CDH4: variants seen among roughly 807,000 people sequenced by gnomAD.
CDH4 encodes cadherin 4, also known as cadherin-4.
A neutral mutation model predicts 86.0 loss-of-function variants in CDH4; 33 were observed. The ratio of observed to expected loss-of-function variants is 0.38; its 90% CI spans 0.29 to 0.51. CDH4 has a LOEUF of 0.51. CDH4 is among the 20% of genes least tolerant of loss of function. The probability of loss-of-function intolerance (pLI) is 0.86; values close to 1 mark genes in which losing one functional copy is unlikely to be tolerated. For missense variants in CDH4, 1,114 were observed against 1,307.4 expected (o/e 0.85, Z 2.28); for synonymous variants, 555 against 549.4 (o/e 1.01, Z -0.14).
rs961227166 is a variant in CDH4 at position 61,684,033 on chromosome 20, C to A, written c.170-59530C>A. On this transcript the variant is annotated intron_variant, in intron 2 of 15. Transcript: ENST00000614565. This position sits in a 1 kb window ranked among gnomAD's most constrained non-coding sequence, Gnocchi z 4.5. ...GGGGAGGTGGGCGTGGCAGGGACTA[C>A]AGCCAGAGCTGGGTCTGTTTGGTGC... Among the ~76,000 whole-genome samples the A allele has an allele frequency of 6.6e-6, 1 of 152,226 alleles. No homozygotes were observed. Among genetic ancestry groups the A allele is most frequent in the Non-Finnish European group, 1.5e-5 (1 of 68,040 alleles).
intron 2 of CDH4, among the ~76,000 whole-genome samples, chr20:61,591,118 A>C (rs988854431): frequency 3.3e-5 from 5 of 152,184 alleles, no homozygotes; most frequent in Non-Finnish European, 7.3e-5. Context: ...GGCTGGACCT[A>C]CTAATAAGTA....
chr20:61,619,960 T>C (rs2086756707), intron 2 of CDH4, among the ~76,000 whole-genome samples: 1 of 152,176 alleles, frequency 6.6e-6, no homozygotes, highest in Admixed American at 6.5e-5. Flanking sequence ...ATGACGCTTG[T>C]TCTGCTTCTG....
At chr20:61,830,162 C>T (rs1417526628) in intron 4 of CDH4, among the ~76,000 whole-genome samples, 2 of 150,702 alleles carry the variant, frequency 1.3e-5, no homozygotes, top group Non-Finnish European at 3.0e-5. Context: ...TGGAGCCCCC[C>T]GCCCCCAGGT....
In CDH4 at chr20:61,699,793, G is replaced by A. The variant is rs149617864; in HGVS notation, c.170-43770G>A. 6.7e-5 allele frequency among the ~76,000 whole-genome samples: 10 copies of A among 148,918 alleles called. No individual in the cohort carries two copies. The East Asian group carries it at 9.7e-4, about 14-fold the overall frequency. ...GACCCGGGGCTTTCACCGCTGACCCGGGGCTTTCACCGCTGACCCGGGGCA... is the reference window on the plus strand; with the variant it reads ...GACCCGGGGCTTTCACCGCTGACCCAGGGCTTTCACCGCTGACCCGGGGCA... On this transcript the variant is annotated intron_variant, in intron 2 of 15. Transcript: ENST00000614565.
At chr20:61,383,076 A>AAT (rs200248688) in intron 2 of CDH4, among the ~76,000 whole-genome samples, 2 of 122,654 alleles carry the variant, frequency 1.6e-5, no homozygotes, top group African/African-American at 7.0e-5. Flanking sequence ...ATATATATAT[A>AAT]ATATATATAT....
chr20:61,722,474 C>T (rs755083504), intron 2 of CDH4, among the ~76,000 whole-genome samples: 1 of 152,186 alleles, frequency 6.6e-6, no homozygotes, highest in African/African-American at 2.4e-5. Flanking sequence ...TTGTCTTGGC[C>T]AATGAAATGG....
chr20:61,285,808 G>A (rs2084290092), intron 2 of CDH4, among the ~76,000 whole-genome samples: 1 of 152,258 alleles, frequency 6.6e-6, no homozygotes, highest in Non-Finnish European at 1.5e-5. Flanking sequence ...TAGAAGACCT[G>A]GCGCAGACGC....
intron 4 of CDH4, among the ~76,000 whole-genome samples, chr20:61,795,131 G>GATGGTAGT: frequency 1.3e-3 from 1 of 788 alleles, no homozygotes; most frequent in Admixed American, 0.016. Context: ...TGGTGATGAT[G>GATGGTAGT]GAAATGATGG....
chr20:61,561,532 A>C (rs527874974), intron 2 of CDH4, among the ~76,000 whole-genome samples: 1 of 152,360 alleles, frequency 6.6e-6, no homozygotes, highest in Non-Finnish European at 1.5e-5. Flanking sequence ...CTTTAGGAGA[A>C]TCTGGTAGAA....
chr20:61,845,556 A>G (rs1037552363), intron 5 of CDH4, among the ~76,000 whole-genome samples: 10 of 152,210 alleles, frequency 6.6e-5, no homozygotes, highest in Admixed American at 6.5e-5. Flanking sequence ...AGGCCTCGCC[A>G]GCAGCGCAGA....
intron 3 of CDH4, among the ~76,000 whole-genome samples, chr20:61,759,625 T>C (rs1016380539): frequency 3.9e-5 from 6 of 152,164 alleles, no homozygotes; most frequent in African/African-American, 1.4e-4. Context: ...GAAAAAGTAA[T>C]ACATTTTCCC....
chr20:61,505,820 T>G (rs2085736489), intron 2 of CDH4, among the ~76,000 whole-genome samples: 1 of 151,544 alleles, frequency 6.6e-6, no homozygotes, highest in East Asian at 1.9e-4. Flanking sequence ...CTGCTTATGT[T>G]AAGATGAATG....
intron 2 of CDH4, among the ~76,000 whole-genome samples, chr20:61,314,227 C>G (rs2123228717): frequency 6.6e-6 from 1 of 152,260 alleles, no homozygotes; most frequent in East Asian, 1.9e-4. Flanking sequence ...CAGAAATCAC[C>G]CATCTTAGAA....
intron 4 of CDH4, among the ~76,000 whole-genome samples, chr20:61,830,739 G>A (rs1004564633): frequency 2.1e-4 from 32 of 152,254 alleles, no homozygotes; most frequent in South Asian, 2.1e-4. Flanking sequence ...AGCGGCAGGA[G>A]CGGGCGGCGC....
chr20:61,670,045 C>A (rs1322013258), intron 2 of CDH4, among the ~76,000 whole-genome samples: 1 of 152,168 alleles, frequency 6.6e-6, no homozygotes, highest in Non-Finnish European at 1.5e-5. Flanking sequence ...GAATGCATGA[C>A]CCCCAAAGGT....
chr20:61,461,757 G>A (rs553998008), intron 2 of CDH4, among the ~76,000 whole-genome samples: 110 of 152,308 alleles, frequency 7.2e-4, no homozygotes, highest in South Asian at 6.2e-4. Context: ...TGTCCCCAAC[G>A]GAGACGCATG....
intron 7 of CDH4, among the ~76,000 whole-genome samples, chr20:61,875,360 C>T (rs1228461594): frequency 2.6e-5 from 4 of 152,218 alleles, no homozygotes; most frequent in South Asian, 4.1e-4. Context: ...GGCAGCCATG[C>T]GGCTTGCGGG....
At chr20:61,364,233 C>T (rs958349826) in intron 2 of CDH4, among the ~76,000 whole-genome samples, 2 of 152,112 alleles carry the variant, frequency 1.3e-5, no homozygotes, top group African/African-American at 2.4e-5. Context: ...TGGCCAGGCA[C>T]CTTGGGAAGT....
At chr20:61,535,905 T>G (rs57783915) in intron 2 of CDH4, among the ~76,000 whole-genome samples, 3,070 of 152,294 alleles carry the variant, frequency 0.02, 103 homozygotes, top group African/African-American at 0.069. Context: ...CCTTTGGGTT[T>G]CAAGGTGGCA....
Sources: gnomAD v4.1 joint callset for allele counts (sites outside exome capture counted in the v4.1 genomes callset) on GRCh38, gnomAD v4.1.1 for gene constraint, Gnocchi (gnomAD v3.1) non-coding constraint, MANE v1.5 for transcripts, NCBI Gene and HGNC (gene_info 2026-07-23, HGNC 2026-07-21) for gene names.